Variants in DAB2IP observed in about 807,000 individuals in gnomAD.
The protein encoded by DAB2IP is disabled homolog 2-interacting protein.
DAB2IP carries 28 observed loss-of-function variants against 107.2 expected under a neutral mutation model. The ratio of observed to expected loss-of-function variants is 0.26; its 90% confidence interval spans 0.19 to 0.36. The LOEUF is 0.36. DAB2IP is among the 10% of genes least tolerant of loss of function. The pLI is 1.00. For synonymous variants in DAB2IP, 755 were observed against 706.4 expected, an observed-to-expected ratio of 1.07 and a Z score of -1.09; for missense variants, 1,400 against 1,644.7, an observed-to-expected ratio of 0.85 and a Z score of 2.57.
At chr9:121,692,615 C>T (rs959423592) in intron 2 of DAB2IP, among the ~76,000 whole-genome samples, 2 of 152,142 alleles carry the variant, frequency 1.3e-5, no homozygotes, top group Admixed American at 6.5e-5. Context: ...CTTCTCCAGG[C>T]GGAATATGTG....
At chr9:121,625,419 TA>T in intron 1 of DAB2IP, among the ~76,000 whole-genome samples, 1 of 151,966 alleles carries the variant, frequency 6.6e-6, no homozygotes, top group Non-Finnish European at 1.5e-5. Context: ...TTTTTTTTTT[TA>T]AATTTTAATT....
chr9:121,683,355 C>T (rs764525206), intron 2 of DAB2IP, among the ~76,000 whole-genome samples: 10 of 152,122 alleles, frequency 6.6e-5, no homozygotes, highest in African/African-American at 9.7e-5. Context: ...TTCCCTGTTG[C>T]GGGCTGGGTC....
intron 2 of DAB2IP, among the ~76,000 whole-genome samples, chr9:121,688,411 C>T (rs753015972): frequency 2.0e-5 from 3 of 152,224 alleles, no homozygotes; most frequent in Non-Finnish European, 4.4e-5. Context: ...TACTCCCCTG[C>T]TCCAGCACCT....
chr9:121,718,886 C>T (rs1830763129), intron 3 of DAB2IP, among the ~76,000 whole-genome samples: 1 of 152,210 alleles, frequency 6.6e-6, no homozygotes, highest in South Asian at 2.1e-4. Context: ...GCTGGCTCTG[C>T]TCCCCCTCCC....
intron 1 of DAB2IP, among the ~76,000 whole-genome samples, chr9:121,644,519 C>T (rs945121753): frequency 3.3e-5 from 5 of 152,032 alleles, no homozygotes; most frequent in Middle Eastern, 3.2e-3. Flanking sequence ...ATTGTTTGAA[C>T]CTGGGAGGCG....
At chr9:121,700,486 C>T (rs1029878617) in intron 3 of DAB2IP, among the ~76,000 whole-genome samples, 3 of 152,168 alleles carry the variant, frequency 2.0e-5, no homozygotes, top group African/African-American at 7.2e-5. Flanking sequence ...ACCGAGGAGC[C>T]TTTTCAGCAT....
chr9:121,619,052 A>G (rs1831370582), intron 1 of DAB2IP, among the ~76,000 whole-genome samples: 2 of 152,170 alleles, frequency 1.3e-5, no homozygotes, highest in South Asian at 4.1e-4. Flanking sequence ...ACTGACAGAT[A>G]AATTATTATG....
At chr9:121,734,490 C>T (rs1461292381) in intron 3 of DAB2IP, among the ~76,000 whole-genome samples, 1 of 152,188 alleles carries the variant, frequency 6.6e-6, no homozygotes. Flanking sequence ...CAGCAGACAG[C>T]TGGTGAGGGT....
At chr9:121,629,353 C>G (rs1831786858) in intron 1 of DAB2IP, among the ~76,000 whole-genome samples, 1 of 152,124 alleles carries the variant, frequency 6.6e-6, no homozygotes, top group Non-Finnish European at 1.5e-5. Flanking sequence ...AGCCAAGCTT[C>G]AGGCTTGGTG....
At chr9:121,761,938 C>T (rs1476857762) in intron 6 of DAB2IP, among the ~76,000 whole-genome samples, 4 of 152,130 alleles carry the variant, frequency 2.6e-5, no homozygotes, top group South Asian at 2.1e-4. Context: ...GCCTGGGAAG[C>T]GGATTCCTCC....
At chr9:121,648,826 G>A (rs544130082), upstream of DAB2IP, among the ~76,000 whole-genome samples, 5 of 152,286 alleles carry the variant, frequency 3.3e-5, no homozygotes, top group East Asian at 9.7e-4. Flanking sequence ...TGTTGGCAGG[G>A]CTGGAAAGTC....
chr9:121,631,784 C>T (rs888406248), intron 1 of DAB2IP, among the ~76,000 whole-genome samples: 1 of 146,894 alleles, frequency 6.8e-6, no homozygotes, highest in African/African-American at 2.5e-5. Flanking sequence ...CCACTGCACT[C>T]CAGCCTGGCT....
At chr9:121,759,890 C>T (rs770702659) in exon 6 of DAB2IP, 2 of 1,612,424 alleles carry the variant, frequency 1.2e-6, no homozygotes, top group Non-Finnish European at 1.7e-6. Flanking sequence ...TACAGGACAA[C>T]AGCCGGCGTG....
chr9:121,772,508 C>T lies in DAB2IP; in HGVS notation c.2079-99C>T. 7.3e-7 allele frequency: 1 copy of T among 1,369,582 alleles called. No individual in the cohort carries two copies. Among genetic ancestry groups the T allele is most frequent in the Non-Finnish European group, 1.0e-6 (1 of 994,034 alleles). The allele number at this position is 1,369,582 out of a possible 1,614,324, so 84.8% of individuals were successfully genotyped here. On this transcript the variant is annotated intron_variant, in intron 11 of 15. Transcript: ENST00000408936. The surrounding 1 kb of genome is among the most constrained non-coding windows in gnomAD (Gnocchi z 4.7). ...CAGCGCTGGCTCAGGCTGCCAGGCC[C>T]CGGCAGGTTGGCGGGTGCTGTCGGT...
At position 121,772,560 on chromosome 9, in the gene DAB2IP, G is replaced by A. The variant is rs1834839562; in HGVS notation, c.2079-47G>A. The A allele has an allele frequency of 1.4e-5, 22 of 1,569,846 alleles. No homozygotes were observed. The highest frequency in any genetic ancestry group is 1.9e-5 in the Non-Finnish European group (22 of 1,155,470). On this transcript the variant is annotated intron_variant, in intron 11 of 15. Coordinates refer to ENST00000408936, the Ensembl canonical transcript of DAB2IP. The surrounding 1 kb of genome is among the most constrained non-coding windows in gnomAD (Gnocchi z 4.7). Reference sequence around the variant, plus strand: ...TGGACCCGCCTTGGCTGCACTCACAGTTCTTCTTTTCCCCTTCTTTCCCTG... The same window carrying A: ...TGGACCCGCCTTGGCTGCACTCACAATTCTTCTTTTCCCCTTCTTTCCCTG...
intron 1 of DAB2IP, among the ~76,000 whole-genome samples, chr9:121,678,113 C>G (rs1009705304): frequency 3.2e-4 from 48 of 152,226 alleles, no homozygotes; most frequent in African/African-American, 1.1e-3. Flanking sequence ...CTCTTCATCA[C>G]CCTTTACAGA....
chr9:121,596,119 G>A (rs930673053), intron 1 of DAB2IP, among the ~76,000 whole-genome samples: 6 of 152,218 alleles, frequency 3.9e-5, no homozygotes, highest in African/African-American at 9.6e-5. Context: ...CGGGGAGTTC[G>A]AGACCAGTCT....
intron 2 of DAB2IP, among the ~76,000 whole-genome samples, chr9:121,694,537 C>A (rs1335202967): frequency 6.6e-6 from 1 of 152,086 alleles, no homozygotes; most frequent in Admixed American, 6.5e-5. Flanking sequence ...TTGAGACAGT[C>A]GTTCAGGACC....
At chr9:121,688,260 G>A (rs1003373079) in intron 2 of DAB2IP, among the ~76,000 whole-genome samples, 1 of 152,252 alleles carries the variant, frequency 6.6e-6, no homozygotes, top group Non-Finnish European at 1.5e-5. Flanking sequence ...TTGTCAAGCG[G>A]CAATTGTTGT....
Sources: gnomAD v4.1 joint callset for allele counts (sites outside exome capture counted in the v4.1 genomes callset) on GRCh38, gnomAD v4.1.1 for gene constraint, Gnocchi (gnomAD v3.1) non-coding constraint, MANE v1.5 for transcripts, NCBI Gene and HGNC (gene_info 2026-07-23, HGNC 2026-07-21) for gene names.